TFAP2D: variants seen among roughly 807,000 people sequenced by gnomAD.
The protein encoded by TFAP2D is transcription factor AP-2-delta.
TFAP2D carries 9 observed loss-of-function variants against 43.6 expected under a neutral mutation model. The ratio of observed to expected loss-of-function variants is 0.21; its 90% CI spans 0.12 to 0.36. The LOEUF is 0.36. Among genes scored for constraint, TFAP2D ranks in the 10% least tolerant of loss-of-function variants. The pLI is 1.00. For synonymous variants in TFAP2D, 256 were observed against 224.9 expected (o/e 1.14, Z -1.24); for missense variants, 513 against 561.4 (o/e 0.91, Z 0.87).
intron 6 of TFAP2D, 136 bp from the exon 7 acceptor site, chr6:50,751,075 A>C (rs1769194238): frequency 1.6e-6 from 1 of 613,896 alleles, no homozygotes; most frequent in Non-Finnish European, 2.9e-6. Flanking sequence ...CTATGAATGG[A>C]ACTTTTGAGG....
chr6:50,752,717 C>G (rs1769215729), intron 7 of TFAP2D, among the ~76,000 whole-genome samples: 1 of 151,878 alleles, frequency 6.6e-6, no homozygotes, highest in Non-Finnish European at 1.5e-5. Flanking sequence ...ATATATTTCA[C>G]AGGACTTCTC....
At chr6:50,744,023 T>C (rs1769091008) in intron 5 of TFAP2D, among the ~76,000 whole-genome samples, 1 of 152,166 alleles carries the variant, frequency 6.6e-6, no homozygotes, top group South Asian at 2.1e-4. Flanking sequence ...TGCTTAGTAT[T>C]AACAGATACA....
intron 6 of TFAP2D, among the ~76,000 whole-genome samples, chr6:50,747,761 C>A (rs966575648): frequency 6.6e-6 from 1 of 151,992 alleles, no homozygotes; most frequent in African/African-American, 2.4e-5. Context: ...AGAAATGCAT[C>A]CATATTTGTC....
intron 3 of TFAP2D, among the ~76,000 whole-genome samples, chr6:50,726,492 A>G (rs1768809732): frequency 6.6e-6 from 1 of 152,192 alleles, no homozygotes. Flanking sequence ...AAGAGAGGAA[A>G]GTTTATGTCA....
At position 50,766,654 on chromosome 6, in the gene TFAP2D, C is replaced by CTTTTTTTTTTTTTT. The variant is rs763018088; in HGVS notation, c.1140-5979_1140-5966dup. ...CCTTTTGATACCATGAGATTGCTTTCTTTTTTTTTTTTTTTTTTTTTTTTT... is the reference window on the plus strand; with the variant it reads ...CCTTTTGATACCATGAGATTGCTTTCTTTTTTTTTTTTTTTTTTTTTTTTTTTTTTTTTTTTTTT... On this transcript the variant is annotated intron_variant, in intron 7 of 7. Transcript: ENST00000008391. Among the ~76,000 whole-genome samples the CTTTTTTTTTTTTTT allele has an allele frequency of 2.4e-4, 14 of 57,388 alleles. 2 individuals carry two copies. The highest frequency in any genetic ancestry group is 4.6e-4 in the Non-Finnish European group (13 of 28,476). The allele number at this position is 57,388 out of a possible 152,430, so 37.6% of individuals were successfully genotyped here. A position where few individuals can be genotyped will look rare whatever the true frequency, so the allele number is the denominator to read the frequency against.
At chr6:50,750,068 A>G (rs548083897) in intron 6 of TFAP2D, among the ~76,000 whole-genome samples, 4 of 151,894 alleles carry the variant, frequency 2.6e-5, no homozygotes, top group African/African-American at 4.8e-5. Context: ...TAAATTTTAG[A>G]TACCTGATTA....
At chr6:50,714,908 G>C (rs1005217003) in intron 1 of TFAP2D, among the ~76,000 whole-genome samples, 1 of 152,112 alleles carries the variant, frequency 6.6e-6, no homozygotes, top group Non-Finnish European at 1.5e-5. Flanking sequence ...TCGACTGTGA[G>C]GACGAGGCCG....
Position 50,773,031 on chromosome 6 carries a change from C to G in TFAP2D, c.*167C>G. The stretch of plus-strand genomic sequence containing the variant: ...AAAAATGAAACAAAAAAGGACAAAA[C>G]CAAAAAAAAAAGAAAAAAAAAGGAA... On this transcript the variant is annotated 3_prime_UTR_variant, in exon 8 of 8. Transcript: ENST00000008391. 1.7e-6 allele frequency: 1 copy of G among 589,416 alleles called. No individual in the cohort carries two copies. Among genetic ancestry groups the G allele is most frequent in the Non-Finnish European group, 2.7e-6 (1 of 365,150 alleles). The allele number at this position is 589,416 out of a possible 1,614,324, so 36.5% of individuals were successfully genotyped here.
At chr6:50,732,580 G>C (rs1485758980) in intron 5 of TFAP2D, among the ~76,000 whole-genome samples, 1 of 151,994 alleles carries the variant, frequency 6.6e-6, no homozygotes, top group Non-Finnish European at 1.5e-5. Flanking sequence ...ACTTGACTCT[G>C]CCTCTTTGTG....
chr6:50,761,494 C>T (rs753494576), intron 7 of TFAP2D, among the ~76,000 whole-genome samples: 1 of 151,932 alleles, frequency 6.6e-6, no homozygotes, highest in Non-Finnish European at 1.5e-5. Flanking sequence ...ACTAAAGAGA[C>T]TTTCATTTCC....
At chr6:50,715,699 T>A in intron 2 of TFAP2D, 86 bp downstream of exon 2, 1 of 1,348,448 alleles carries the variant, frequency 7.4e-7, no homozygotes, top group Non-Finnish European at 1.0e-6. Context: ...CTGTAAAGCG[T>A]CTCTCTTTCT....
intron 2 of TFAP2D, among the ~76,000 whole-genome samples, chr6:50,716,568 A>C (rs1768631286): frequency 6.6e-6 from 1 of 152,202 alleles, no homozygotes; most frequent in South Asian, 2.1e-4. Context: ...TTTATTTCTT[A>C]ACACGTGTTT....
At chr6:50,714,690 G>A (rs1031910420) in intron 1 of TFAP2D, among the ~76,000 whole-genome samples, 1 of 152,248 alleles carries the variant, frequency 6.6e-6, no homozygotes, top group East Asian at 1.9e-4. Flanking sequence ...GTGGCAAGGC[G>A]CCCCGGGCCA....
At chr6:50,748,709 G>A (rs1769159096) in intron 6 of TFAP2D, among the ~76,000 whole-genome samples, 1 of 151,826 alleles carries the variant, frequency 6.6e-6, no homozygotes, top group Non-Finnish European at 1.5e-5. Flanking sequence ...TTGGTTAATA[G>A]AAAACATATT....
In TFAP2D at chr6:50,729,138, T is replaced by A. The variant is rs1768848486; in HGVS notation, c.765-56T>A. 5 of 1,607,232 alleles carry A rather than the reference T, an allele frequency of 3.1e-6. No individual in the cohort carries two copies. The Admixed American group carries it at 6.7e-5, about 22-fold the overall frequency. On this transcript the variant is annotated intron_variant, in intron 4 of 7. Transcript: ENST00000008391. ...TTCCCCATGTGGTCAAGTCGTCTCA[T>A]AATTTTCATCAGAATGTGAAATTTC...
At chr6:50,769,833 ATAT>A (rs1480661871) in intron 7 of TFAP2D, among the ~76,000 whole-genome samples, 1 of 152,218 alleles carries the variant, frequency 6.6e-6, no homozygotes, top group African/African-American at 2.4e-5. Flanking sequence ...AATGGAAATA[ATAT>A]TATCTAGTTC....
intron 3 of TFAP2D, among the ~76,000 whole-genome samples, chr6:50,722,629 G>A (rs894129447): frequency 4.6e-5 from 7 of 151,998 alleles, no homozygotes; most frequent in African/African-American, 1.7e-4. Context: ...TGTTGATGAC[G>A]ATGGTGATGA....
chr6:50,754,072 T>C (rs1769233321), intron 7 of TFAP2D, among the ~76,000 whole-genome samples: 1 of 151,952 alleles, frequency 6.6e-6, no homozygotes. Context: ...ATAACCAATC[T>C]CCACAACTTT....
chr6:50,715,565 G>A lies in TFAP2D; in HGVS notation c.489G>A (p.Leu163=). 6.2e-7 allele frequency: 1 copy of A among 1,607,958 alleles called. No homozygotes were observed. The highest frequency in any genetic ancestry group is 8.5e-7 in the Non-Finnish European group (1 of 1,177,748). ...QYGMHPDQRL[L]PGPSLGLAAA... Reference sequence around the variant, plus strand: ...GAATGCACCCAGATCAAAGACTCCTGCCAGGGCCCAGCCTGGGGCTGGCCG... The same window carrying A: ...GAATGCACCCAGATCAAAGACTCCTACCAGGGCCCAGCCTGGGGCTGGCCG... The change falls in exon 2 of 8, where the codon CTG becomes CTA. Residue 163 remains leucine (L), a synonymous_variant. Coordinates refer to ENST00000008391, the MANE Select transcript of TFAP2D (RefSeq NM_172238.4).
Sources: gnomAD v4.1 joint callset for allele counts (sites outside exome capture counted in the v4.1 genomes callset) on GRCh38, gnomAD v4.1.1 for gene constraint, MANE v1.5 for transcripts, NCBI Gene and HGNC (gene_info 2026-07-23, HGNC 2026-07-21) for gene names.